EFTUD2: variants seen among roughly 807,000 people sequenced by gnomAD.
The protein encoded by EFTUD2 is 116 kDa U5 small nuclear ribonucleoprotein component.
A neutral mutation model predicts 114.3 loss-of-function variants in EFTUD2; 9 were observed. The ratio of observed to expected loss-of-function variants is 0.08; its 90% CI spans 0.05 to 0.14. EFTUD2 has a LOEUF of 0.14. EFTUD2 is among the 10% of genes least tolerant of loss of function. EFTUD2 has a pLI of 1.00. For missense variants in EFTUD2, 765 were observed against 1,241.2 expected (o/e 0.62, Z 5.76); for synonymous variants, 449 against 462.3 (o/e 0.97, Z 0.37).
At chr17:44,859,565 G>A (rs2050618182) in intron 18 of EFTUD2, 3 of 494,614 alleles carry the variant, frequency 6.1e-6, no homozygotes, top group South Asian at 5.0e-5. Context: ...TTCTCTTCTC[G>A]AGAAAATCAA....
At chr17:44,897,953 G>A (rs1464765048) in intron 1 of EFTUD2, among the ~76,000 whole-genome samples, 2 of 152,184 alleles carry the variant, frequency 1.3e-5, no homozygotes, top group Non-Finnish European at 2.9e-5. Context: ...GTAGGAACTG[G>A]ATAAATGTTA....
intron 1 of EFTUD2, among the ~76,000 whole-genome samples, chr17:44,895,532 A>T (rs2145584848): frequency 6.6e-6 from 1 of 152,076 alleles, no homozygotes; most frequent in East Asian, 1.9e-4. Flanking sequence ...ACTGGAAAAC[A>T]GCCATGCATA....
rs76059967 is a variant in EFTUD2, at chr17:44,876,538, C to A, written c.703-438G>T. ...TGTACCCCAGTAGCAATGAGCACAT[C>A]CAAACCTTTGTTTCTAAATACTAAT... On this transcript the variant is annotated intron_variant, in intron 9 of 27. Transcript: ENST00000426333. Among the ~76,000 whole-genome samples the A allele has an allele frequency of 9.2e-5, 14 of 152,234 alleles. No homozygotes were observed. In the East Asian group the frequency reaches 2.7e-3, roughly 29 times the overall value.
At chr17:44,881,808 C>T (rs941864929) in intron 6 of EFTUD2, 86 bp from the exon 7 acceptor site, 40 of 1,281,778 alleles carry the variant, frequency 3.1e-5, no homozygotes, top group Non-Finnish European at 4.3e-5. Context: ...TCACTACCTC[C>T]CAGCTCAAGG....
At chr17:44,857,579 C>A in intron 19 of EFTUD2, 1 of 212,614 alleles carries the variant, frequency 4.7e-6, no homozygotes, top group Non-Finnish European at 9.7e-6. Context: ...GAAGCCCCAA[C>A]ATGGTCTGCT....
At chr17:44,876,371 C>G (rs773510001) in intron 9 of EFTUD2, among the ~76,000 whole-genome samples, 12 of 152,096 alleles carry the variant, frequency 7.9e-5, no homozygotes, top group Non-Finnish European at 1.5e-4. Context: ...ACTAAGAAGG[C>G]TGGGAAGAGC....
In EFTUD2 at chr17:44,886,691, C is replaced by A; in HGVS notation, c.165G>T (p.Met55Ile). 6.2e-7 allele frequency: 1 copy of A among 1,614,204 alleles called. No individual in the cohort carries two copies. The highest frequency in any genetic ancestry group is 8.5e-7 in the Non-Finnish European group (1 of 1,180,032). Reference protein sequence around the residue: ...VGDHDDDHPGMEVVLHEDKKY... With the variant: ...VGDHDDDHPGIEVVLHEDKKY... The stretch of plus-strand genomic sequence containing the variant: ...TCTTGTCCTCATGCAGCACCACCTC[C>A]ATCCCAGGGTGGTCATCGTCATGAT... The change falls in exon 3 of 28, where the codon ATG (methionine) becomes ATT (isoleucine). Residue 55 changes from methionine (M) to isoleucine (I), a missense_variant. Physicochemically the swap from Met to Ile is conservative, Grantham distance 10 (BLOSUM62 1). Coordinates refer to ENST00000426333, the MANE Select transcript of EFTUD2 (RefSeq NM_004247.4).
intron 2 of EFTUD2, among the ~76,000 whole-genome samples, chr17:44,891,524 A>AT (rs1413187615): frequency 6.6e-6 from 1 of 151,940 alleles, no homozygotes; most frequent in Non-Finnish European, 1.5e-5. Flanking sequence ...TAATTTTTAA[A>AT]TTTTTTGTAG....
At chr17:44,858,150 G>A (rs2050591432) in intron 19 of EFTUD2, among the ~76,000 whole-genome samples, 1 of 152,076 alleles carries the variant, frequency 6.6e-6, no homozygotes, top group South Asian at 2.1e-4. Flanking sequence ...TTGAACTCCT[G>A]ACCTCAAGCA....
rs112623280 is a variant in EFTUD2 at position 44,878,104 on chromosome 17, C to T, written c.702+1452G>A. Among the ~76,000 whole-genome samples, 1,095 of 152,314 alleles carry T rather than the reference C, an allele frequency of 7.2e-3. 14 individuals are homozygous for T. The highest frequency in any genetic ancestry group is 0.017 in the African/African-American group (694 of 41,560). ...TAAACTGAGATCGCACCACTTCACT[C>T]CAGCCTGGGCAACAGAGCAAGACTC... On this transcript the variant is annotated intron_variant, in intron 9 of 27. Coordinates refer to ENST00000426333, the MANE Select transcript of EFTUD2 (RefSeq NM_004247.4).
chr17:44,897,640 C>T (rs1377381704), intron 1 of EFTUD2, among the ~76,000 whole-genome samples: 1 of 152,208 alleles, frequency 6.6e-6, no homozygotes, highest in African/African-American at 2.4e-5. Flanking sequence ...TCTCGACTCA[C>T]TGCAACCTCC....
chr17:44,862,051 A>G (rs1356085275), intron 16 of EFTUD2, among the ~76,000 whole-genome samples: 1 of 152,204 alleles, frequency 6.6e-6, no homozygotes, highest in Non-Finnish European at 1.5e-5. Flanking sequence ...ATTATGACTT[A>G]AGGAACACAG....
chr17:44,892,397 G>A (rs2051295179), intron 2 of EFTUD2: 1 of 152,138 alleles, frequency 6.6e-6, no homozygotes, highest in South Asian at 2.1e-4. Context: ...AGCTCTGCTG[G>A]TGACCCATTA....
Position 44,857,134 on chromosome 17 carries a change from A to G in EFTUD2, c.1986T>C (p.Phe662=), listed in dbSNP as rs1390624237. 6.2e-7 allele frequency: 1 copy of G among 1,614,034 alleles called. No homozygotes were observed. The highest frequency in any genetic ancestry group is 8.5e-7 in the Non-Finnish European group (1 of 1,179,894). Residue 662 remains phenylalanine (F), a synonymous_variant, in exon 20 of 28, where the codon TTT becomes TTC. Coordinates refer to ENST00000426333, the MANE Select transcript of EFTUD2 (RefSeq NM_004247.4). ...AGGATGTTTCCACCACCGTCTCACA[A>G]AACGTGACAACTGGGTCAGCCACCT... is the stretch of plus-strand genomic sequence containing the variant. ...DIKVADPVVT[F]CETVVETSSL...
intron 9 of EFTUD2, among the ~76,000 whole-genome samples, chr17:44,877,397 C>T (rs1033001129): frequency 3.3e-5 from 5 of 152,246 alleles, no homozygotes; most frequent in Admixed American, 6.5e-5. Context: ...ACTAGAGCAC[C>T]GGAATCCATA....
intron 4 of EFTUD2, 116 bp from the exon 5 acceptor site, chr17:44,883,840 A>T (rs2051117154): frequency 1.2e-6 from 1 of 867,514 alleles, no homozygotes; most frequent in Non-Finnish European, 1.9e-6. Context: ...CCAACTGGAG[A>T]GTGCTCAGGC....
intron 14 of EFTUD2, 188 bp from the exon 15 acceptor site, chr17:44,863,970 C>T (rs2050701902): frequency 3.0e-6 from 2 of 663,806 alleles, no homozygotes; most frequent in South Asian, 2.2e-5. Context: ...TTTGGAGTCA[C>T]CCTGATGCCA....
chr17:44,881,897 G>T, intron 6 of EFTUD2, 175 bp from the exon 7 acceptor site: 2 of 602,226 alleles, frequency 3.3e-6, no homozygotes, highest in East Asian at 5.9e-5. Context: ...TGCCCTCCCA[G>T]CTGGAAATGC....
chr17:44,898,468 C>T (rs2051440621), intron 1 of EFTUD2, among the ~76,000 whole-genome samples: 1 of 152,208 alleles, frequency 6.6e-6, no homozygotes, highest in Non-Finnish European at 1.5e-5. Flanking sequence ...GATCCGCCCG[C>T]GTCTTTCTCC....
Sources: allele counts gnomAD v4.1 joint callset (sites outside exome capture counted in the v4.1 genomes callset), GRCh38; gene constraint gnomAD v4.1.1; transcripts MANE v1.5; gene names NCBI Gene and HGNC (gene_info 2026-07-23, HGNC 2026-07-21).